The following CFAP44 variants were observed in gnomAD, a reference collection of about 807,000 sequenced individuals.
CFAP44 encodes cilia and flagella associated protein 44.
CFAP44 carries 134 observed loss-of-function variants against 216.2 expected under a neutral mutation model. The ratio of observed to expected loss-of-function variants is 0.62; its 90% CI spans 0.54 to 0.72. The LOEUF (loss-of-function observed/expected upper bound fraction) is 0.72. Ranked by LOEUF, CFAP44 falls within the 30% of genes least tolerant of loss-of-function variation. CFAP44 has a pLI of 0.00. For synonymous variants in CFAP44, 700 were observed against 727.6 expected, an observed-to-expected ratio of 0.96 and a Z score of 0.61; for missense variants, 2,035 against 2,182.1, an observed-to-expected ratio of 0.93 and a Z score of 1.34.
In CFAP44 at chr3:113,323,265, T is replaced by C. The variant is rs956439105; in HGVS notation, c.4516+3180A>G. 4.6e-5 allele frequency among the ~76,000 whole-genome samples: 7 copies of C among 152,158 alleles called. No homozygotes were observed. The East Asian group carries it at 7.7e-4, about 17-fold the overall frequency. ...ACAAAGAAAATCTACATATACACCA[T>C]TGAATACTACACAGCCATAAAAAAA... On this transcript the variant is annotated intron_variant, in intron 28 of 34. Coordinates refer to ENST00000393845, the MANE Select transcript of CFAP44 (RefSeq NM_001164496.2).
At chr3:113,386,532 T>C (rs1933652645) in intron 15 of CFAP44, among the ~76,000 whole-genome samples, 1 of 152,152 alleles carries the variant, frequency 6.6e-6, no homozygotes, top group Admixed American at 6.5e-5. Context: ...ACAAAGAAGA[T>C]ACAGAGGAAG....
Position 113,407,025 on chromosome 3 carries a change from A to G in CFAP44, c.907T>C (p.Phe303Leu), listed in dbSNP as rs1417303697. ...TGCAGCTTGAGACCGGTGAACGTAA[A>G]AGCCATTTCCCAGAACCTACAAACA... The part of the protein sequence containing the change: ...SGHIKFWEMA[F>L]TFTGLKLQGS... The change falls in exon 8 of 35, where the codon TTT becomes CTT. Residue 303 changes from phenylalanine (F) to leucine (L), a missense_variant. Phe to Leu is a conservative substitution (Grantham distance 22). Transcript: ENST00000393845. 1 of 1,614,010 alleles carries G rather than the reference A, an allele frequency of 6.2e-7. No individual in the cohort carries two copies. The highest frequency in any genetic ancestry group is 1.3e-5 in the African/African-American group (1 of 74,930).
At chr3:113,439,108 A>G (rs1026221473) in intron 1 of CFAP44, among the ~76,000 whole-genome samples, 1 of 152,178 alleles carries the variant, frequency 6.6e-6, no homozygotes, top group Non-Finnish European at 1.5e-5. Context: ...TTGGGAGTCT[A>G]TTTGCAGGAC....
At chr3:113,306,099 T>C in intron 30 of CFAP44, 102 bp downstream of exon 30, 1 of 1,347,584 alleles carries the variant, frequency 7.4e-7, no homozygotes. Context: ...ATGTTTCTTT[T>C]CTGAGAAGTC....
chr3:113,302,066 T>C (rs6805535), intron 32 of CFAP44, among the ~76,000 whole-genome samples: 43,163 of 152,062 alleles, frequency 0.28, 6,875 homozygotes, highest in African/African-American at 0.43. Context: ...ACATATTGTC[T>C]TCCAAGTTTA....
chr3:113,347,673 C>T (rs1305617450), intron 22 of CFAP44, among the ~76,000 whole-genome samples: 1 of 152,212 alleles, frequency 6.6e-6, no homozygotes, highest in African/African-American at 2.4e-5. Context: ...GCGGGCCTAA[C>T]AAAAGCTATT....
chr3:113,412,397 A>G (rs1432170252), intron 6 of CFAP44, among the ~76,000 whole-genome samples: 5 of 148,832 alleles, frequency 3.4e-5, no homozygotes, highest in African/African-American at 7.7e-5. Context: ...TCCATTAAAT[A>G]TATCTCTTTT....
rs368553947 is a variant in CFAP44, at chr3:113,426,143, G to C, written c.388C>G (p.Leu130Val). Reference sequence around the variant, plus strand: ...GGATACACAAGTGTGAGAAGATCCAGTGGTATGTTTGAATCCAGAGTCACA... The same window carrying C: ...GGATACACAAGTGTGAGAAGATCCACTGGTATGTTTGAATCCAGAGTCACA... ...PFVTLDSNIP[L>V]DLLTLVHSFG... Residue 130 changes from leucine (L) to valine (V), a missense_variant, in exon 4 of 35, where the codon CTG becomes GTG. Physicochemically the swap from Leu to Val is conservative, Grantham distance 32. This residue lies in a region of CFAP44 where 3 missense variants were observed against 16.6 expected (regional missense o/e 0.18). Coordinates refer to ENST00000393845, the MANE Select transcript of CFAP44 (RefSeq NM_001164496.2). 1 of 1,613,958 alleles carries C rather than the reference G, an allele frequency of 6.2e-7. No homozygotes were observed. The highest frequency in any genetic ancestry group is 1.3e-5 in the African/African-American group (1 of 74,928).
rs1950363265 is a variant in CFAP44, at chr3:113,344,525, T to C, written c.3253A>G (p.Arg1085Gly). The C allele has an allele frequency of 6.5e-7, 1 of 1,536,560 alleles. No homozygotes were observed. The highest frequency in any genetic ancestry group is 8.7e-7 in the Non-Finnish European group (1 of 1,146,718). Residue 1085 changes from arginine to glycine, a missense_variant, in exon 23 of 35, where the codon AGA (arginine) becomes GGA (glycine). Physicochemically the swap from Arg to Gly is moderately radical, Grantham distance 125. Around this residue, in one of 3 missense-constraint regions of CFAP44, gnomAD observed 1,883 missense variants for 2,023.7 expected, o/e 0.93. Coordinates refer to ENST00000393845, the MANE Select transcript of CFAP44 (RefSeq NM_001164496.2). ...TCTTGTCATAGGCTACCTGCATCTCTCTGGCTGTCCTTTCTTCCAGGTCCC... is the reference window on the plus strand; with the variant it reads ...TCTTGTCATAGGCTACCTGCATCTCCCTGGCTGTCCTTTCTTCCAGGTCCC... ...KEGPGRKDSQ[R>G]DAGGSVTIQE...
rs527542857 is a variant in CFAP44, at chr3:113,400,051, A to G, written c.1475-51T>C. On this transcript the variant is annotated intron_variant, in intron 12 of 34. Transcript: ENST00000393845. ...AAAAAATTATATACATAATTTTTTT[A>G]AGTCTTGGCTCACTTTTTACATGTT... 88 of 1,241,892 alleles carry G rather than the reference A, an allele frequency of 7.1e-5. No homozygotes were observed. In the South Asian group the frequency reaches 9.2e-4, roughly 13 times the overall value. The allele number at this position is 1,241,892 out of a possible 1,614,324, so 76.9% of individuals were successfully genotyped here.
Position 113,341,851 on chromosome 3 carries a change from T to C in CFAP44, c.3330A>G (p.Leu1110=). The change falls in exon 24 of 35, where the codon CTA becomes CTG. Residue 1110 remains leucine, a synonymous_variant. Coordinates refer to ENST00000393845, the MANE Select transcript of CFAP44 (RefSeq NM_001164496.2). ...EKGKKFRPKT[L]SEIIVENQIE... is the part of the protein sequence containing the mutation. ...TTTGATTTTCCACGATGATTTCACT[T>C]AGGGTTTTAGGCCGAAATTTCTTCC... 2 of 1,533,370 alleles carry C rather than the reference T, an allele frequency of 1.3e-6. No homozygotes were observed. Among genetic ancestry groups the C allele is most frequent in the Admixed American group, 2.0e-5 (1 of 50,190 alleles). The allele number at this position is 1,533,370 out of a possible 1,614,324, so 95.0% of individuals were successfully genotyped here. A position where few individuals can be genotyped will look rare whatever the true frequency, so the allele number is the denominator to read the frequency against.
At chr3:113,365,233 C>T (rs1031253503) in intron 19 of CFAP44, among the ~76,000 whole-genome samples, 13 of 152,250 alleles carry the variant, frequency 8.5e-5, no homozygotes, top group Admixed American at 8.5e-4. Context: ...CCCTCTCTAA[C>T]CAGCAGCCCA....
At position 113,409,119 on chromosome 3, in the gene CFAP44, A is replaced by G; in HGVS notation, c.877T>C (p.Ser293Pro). 6.2e-7 allele frequency: 1 copy of G among 1,612,360 alleles called. No individual in the cohort carries two copies. Among genetic ancestry groups the G allele is most frequent in the South Asian group, 1.1e-5 (1 of 91,030 alleles). ...TACCCAACCTACTTGATGTGGCCTGATCCCGATGTAGTAAGCTGCTCTTCC... is the reference window on the plus strand; with the variant it reads ...TACCCAACCTACTTGATGTGGCCTGGTCCCGATGTAGTAAGCTGCTCTTCC... Reference protein sequence around the residue: ...DKEEQLTTSGSGHIKFWEMAF... With the variant: ...DKEEQLTTSGPGHIKFWEMAF... Residue 293 changes from serine (S) to proline (P), a missense_variant, in exon 7 of 35, where the codon TCA becomes CCA. Around this residue, in one of 3 missense-constraint regions of CFAP44, gnomAD observed 1,883 missense variants for 2,023.7 expected, o/e 0.93. Coordinates refer to ENST00000393845, the MANE Select transcript of CFAP44 (RefSeq NM_001164496.2).
At chr3:113,415,742 A>T (rs1346936811) in intron 6 of CFAP44, among the ~76,000 whole-genome samples, 2 of 151,504 alleles carry the variant, frequency 1.3e-5, no homozygotes, top group Non-Finnish European at 3.0e-5. Flanking sequence ...TATGATTTCA[A>T]CTCTTATGCA....
chr3:113,437,442 G>A (rs559597437), intron 1 of CFAP44, among the ~76,000 whole-genome samples: 1 of 152,252 alleles, frequency 6.6e-6, no homozygotes, highest in South Asian at 2.1e-4. Flanking sequence ...CACAACAAAA[G>A]GTAAGTTGGT....
At chr3:113,426,579 T>C in intron 3 of CFAP44, 1 of 268,834 alleles carries the variant, frequency 3.7e-6, no homozygotes, top group Non-Finnish European at 7.1e-6. Flanking sequence ...TCCTGAGGCC[T>C]CCCCAGCCAT....
chr3:113,292,218 C>T (rs1460671286), intron 34 of CFAP44, among the ~76,000 whole-genome samples: 3 of 152,122 alleles, frequency 2.0e-5, no homozygotes, highest in Admixed American at 6.5e-5. Flanking sequence ...TCTGTTTTAT[C>T]GAAACATCCA....
chr3:113,365,261 T>C (rs1255957949), intron 19 of CFAP44, among the ~76,000 whole-genome samples: 2 of 152,164 alleles, frequency 1.3e-5, no homozygotes, highest in Non-Finnish European at 2.9e-5. Flanking sequence ...AATTTTGCTA[T>C]TAGAAGAAAT....
chr3:113,392,390 C>T (rs925860343), intron 15 of CFAP44, among the ~76,000 whole-genome samples: 13 of 147,268 alleles, frequency 8.8e-5, no homozygotes, highest in African/African-American at 3.0e-4. Context: ...TGATGGTCAA[C>T]AGCAGCTTAG....
Sources: gnomAD v4.1 joint callset for allele counts (sites outside exome capture counted in the v4.1 genomes callset) on GRCh38, gnomAD v4.1.1 for gene constraint, gnomAD v4.1.1 regional missense constraint, MANE v1.5 for transcripts, NCBI Gene and HGNC (gene_info 2026-07-23, HGNC 2026-07-21) for gene names.